The following IGF2BP3 variants were observed in gnomAD, a reference collection of about 807,000 sequenced individuals.
IGF2BP3 encodes the protein insulin like growth factor 2 mRNA binding protein 3, also known as insulin-like growth factor 2 mRNA-binding protein 3.
Under a neutral mutation model 73.8 loss-of-function variants are expected in IGF2BP3, and 9 were observed. That is an observed-to-expected ratio of 0.12 (90% CI 0.07 to 0.21). The LOEUF is 0.21. IGF2BP3 is among the 10% of genes least tolerant of loss of function. The probability of loss-of-function intolerance (pLI) is 1.00; values close to 1 mark genes in which losing one functional copy is unlikely to be tolerated. For missense variants in IGF2BP3, 542 were observed against 714.0 expected, an observed-to-expected ratio of 0.76 and a Z score of 2.75; for synonymous variants, 258 against 256.7, an observed-to-expected ratio of 1.01 and a Z score of -0.05.
chr7:23,363,694 TTGTCTC>T (rs1785291018), intron 3 of IGF2BP3, among the ~76,000 whole-genome samples: 1 of 152,352 alleles, frequency 6.6e-6, no homozygotes, highest in East Asian at 1.9e-4. Context: ...ACATTAATCT[TTGTCTC>T]TGATTATAGC....
chr7:23,361,837 GA>G (rs1054077093), intron 3 of IGF2BP3, 96 bp from the exon 4 acceptor site: 49 of 1,061,860 alleles, frequency 4.6e-5, no homozygotes, highest in Non-Finnish European at 5.9e-5. Flanking sequence ...AATTGTGATG[GA>G]AAAGAGCCAA....
At chr7:23,419,710 G>T (rs1310794884) in intron 2 of IGF2BP3, among the ~76,000 whole-genome samples, 1 of 152,114 alleles carries the variant, frequency 6.6e-6, no homozygotes, top group African/African-American at 2.4e-5. Context: ...AAAATTAGCT[G>T]GGCATGGTGG....
chr7:23,398,779 G>A (rs1374234134), intron 3 of IGF2BP3, among the ~76,000 whole-genome samples: 1 of 152,104 alleles, frequency 6.6e-6, no homozygotes, highest in African/African-American at 2.4e-5. Flanking sequence ...TTGTAAATTT[G>A]TTTGAGTTCA....
At chr7:23,342,723 C>A (rs1453838231) in intron 9 of IGF2BP3, among the ~76,000 whole-genome samples, 1 of 151,998 alleles carries the variant, frequency 6.6e-6, no homozygotes, top group African/African-American at 2.4e-5. Flanking sequence ...GAAATAGGAG[C>A]CAGAAAGGGT....
chr7:23,380,750 C>T (rs1027968248), intron 3 of IGF2BP3, among the ~76,000 whole-genome samples: 2 of 152,168 alleles, frequency 1.3e-5, no homozygotes, highest in African/African-American at 4.8e-5. Context: ...TGGACGGACA[C>T]ACACAGGGAG....
chr7:23,389,471 G>A (rs1183971422), intron 3 of IGF2BP3, among the ~76,000 whole-genome samples: 1 of 151,668 alleles, frequency 6.6e-6, no homozygotes, highest in Non-Finnish European at 1.5e-5. Context: ...AACTCCCAAT[G>A]TTTAATGTGT....
At position 23,355,102 on chromosome 7, in the gene IGF2BP3, G is replaced by A. The variant is rs925520033; in HGVS notation, c.402-3516C>T. ...TATTTTCACCAAACCCACCGTAGAT[G>A]CAAGACATGAGATGAACGACTGTCA... is the stretch of plus-strand genomic sequence containing the variant. On this transcript the variant is annotated intron_variant, in intron 5 of 14. Transcript: ENST00000258729. Among the ~76,000 whole-genome samples, 7 of 152,160 alleles carry A rather than the reference G, an allele frequency of 4.6e-5. 1 individual carries two copies.
Position 23,312,825 on chromosome 7 carries a change from T to C in IGF2BP3, c.1551A>G (p.Ser517=). The change falls in exon 14 of 15, where the codon TCA becomes TCG. Residue 517 remains serine (S), a synonymous_variant. Coordinates refer to ENST00000258729, the MANE Select transcript of IGF2BP3 (RefSeq NM_006547.3). The stretch of plus-strand genomic sequence containing the variant: ...CACGAGGGACAACAACTTCTGCACT[T>C]GACAAATTCTGAAGTTCATTCACCT... ...GKTVNELQNL[S]SAEVVVPRDQ... 1.2e-6 allele frequency: 2 copies of C among 1,608,776 alleles called. No individual in the cohort carries two copies. The highest frequency in any genetic ancestry group is 1.7e-6 in the Non-Finnish European group (2 of 1,178,260).
chr7:23,398,237 T>C (rs948544111), intron 3 of IGF2BP3, among the ~76,000 whole-genome samples: 1 of 152,230 alleles, frequency 6.6e-6, no homozygotes, highest in Non-Finnish European at 1.5e-5. Flanking sequence ...ACAAAGGACA[T>C]GAACTCATCA....
At chr7:23,461,115 C>A (rs888737088) in intron 2 of IGF2BP3, among the ~76,000 whole-genome samples, 4 of 151,910 alleles carry the variant, frequency 2.6e-5, no homozygotes, top group African/African-American at 9.7e-5. Context: ...ACTTATTCAT[C>A]CATCTACATC....
chr7:23,405,597 T>G (rs1237231942), intron 3 of IGF2BP3, among the ~76,000 whole-genome samples: 1 of 152,134 alleles, frequency 6.6e-6, no homozygotes, highest in Non-Finnish European at 1.5e-5. Flanking sequence ...GAGCCCCGCC[T>G]CCTGTCAGAT....
At chr7:23,419,469 T>C (rs576230262) in intron 2 of IGF2BP3, among the ~76,000 whole-genome samples, 8 of 152,252 alleles carry the variant, frequency 5.3e-5, no homozygotes, top group Non-Finnish European at 1.2e-4. Context: ...CTTATTATAC[T>C]AAGCACCTAT....
intron 2 of IGF2BP3, among the ~76,000 whole-genome samples, chr7:23,452,496 A>G (rs1471106438): frequency 6.6e-6 from 1 of 152,178 alleles, no homozygotes; most frequent in African/African-American, 2.4e-5. Flanking sequence ...TAAAGTGCTT[A>G]TTCTTTCCCT....
At chr7:23,330,951 C>T (rs1209962086) in intron 10 of IGF2BP3, among the ~76,000 whole-genome samples, 2 of 152,062 alleles carry the variant, frequency 1.3e-5, no homozygotes, top group Non-Finnish European at 2.9e-5. Flanking sequence ...GTGCACACCA[C>T]CATGCCCGGC....
At chr7:23,439,738 C>T (rs925587354) in intron 2 of IGF2BP3, among the ~76,000 whole-genome samples, 1 of 152,106 alleles carries the variant, frequency 6.6e-6, no homozygotes, top group African/African-American at 2.4e-5. Flanking sequence ...TCTTGGTCTC[C>T]TTTCCAGTGT....
At chr7:23,322,445 C>T (rs1267304918) in intron 10 of IGF2BP3, among the ~76,000 whole-genome samples, 39 of 152,140 alleles carry the variant, frequency 2.6e-4, no homozygotes, top group East Asian at 1.4e-3. Context: ...CTACGTCTGA[C>T]TGGTGTACCT....
intron 10 of IGF2BP3, among the ~76,000 whole-genome samples, chr7:23,332,866 A>T (rs1247548218): frequency 2.0e-5 from 3 of 152,056 alleles, no homozygotes; most frequent in East Asian, 1.9e-4. Flanking sequence ...TGACCATTTT[A>T]AAAAAAATTA....
chr7:23,335,073 T>TA (rs5882898), intron 10 of IGF2BP3, among the ~76,000 whole-genome samples: 2,921 of 69,000 alleles, frequency 0.042, 35 homozygotes, highest in Non-Finnish European at 0.05. Context: ...TCTTTAACAT[T>TA]AAAAAAAAAA....
Position 23,394,248 on chromosome 7 carries a change from T to C in IGF2BP3, c.285+24528A>G, listed in dbSNP as rs146719771. 6.2e-4 allele frequency among the ~76,000 whole-genome samples: 95 copies of C among 152,224 alleles called. 1 individual carries two copies. The East Asian group carries it at 0.017, about 27-fold the overall frequency. ...TTGGCAGGCCAGGGCAAGCTAAGTGTATAAGCCCAGGAGTTGGAGACCGGC... is the reference window on the plus strand; with the variant it reads ...TTGGCAGGCCAGGGCAAGCTAAGTGCATAAGCCCAGGAGTTGGAGACCGGC... On this transcript the variant is annotated intron_variant, in intron 3 of 14. Transcript: ENST00000258729.
Sources: allele counts gnomAD v4.1 joint callset (sites outside exome capture counted in the v4.1 genomes callset), GRCh38; gene constraint gnomAD v4.1.1; transcripts MANE v1.5; gene names NCBI Gene and HGNC (gene_info 2026-07-23, HGNC 2026-07-21).